Variants in OPRM1 observed in about 807,000 individuals in gnomAD.
The protein encoded by OPRM1 is mu-type opioid receptor.
In OPRM1, 27 loss-of-function variants were observed where a neutral mutation model predicts 31.8. The ratio of observed to expected loss-of-function variants is 0.85; its 90% CI spans 0.63 to 1.17. OPRM1 has a LOEUF of 1.17. OPRM1 is among the 50% of genes most tolerant of loss of function. OPRM1 has a pLI of 0.00. For synonymous variants in OPRM1, 196 were observed against 189.9 expected (o/e 1.03, Z -0.26); for missense variants, 536 against 511.1 (o/e 1.05, Z -0.47).
chr6:154,038,115 G>A (rs1779426790), upstream of OPRM1, among the ~76,000 whole-genome samples: 2 of 152,116 alleles, frequency 1.3e-5, no homozygotes, highest in Admixed American at 1.3e-4. Context: ...TTACCTATGA[G>A]TTATCTGTTT....
At chr6:154,104,759 C>A (rs1795344207) in intron 3 of OPRM1, among the ~76,000 whole-genome samples, 1 of 152,214 alleles carries the variant, frequency 6.6e-6, no homozygotes. Flanking sequence ...TTATTTTTCA[C>A]ATAAGCTCTT....
At chr6:154,027,284 C>CTTGTTTGTTTGTTTGTTTGTTTGTTTGT (rs111711727) in intron 1 of OPRM1, among the ~76,000 whole-genome samples, 2 of 151,702 alleles carry the variant, frequency 1.3e-5, no homozygotes, top group Admixed American at 6.6e-5. Flanking sequence ...TCTTGTGTTT[C>CTTGTTTGTTTGTTTGTTTGTTTGTTTGT]TTGTTTGTTT....
At chr6:154,028,615 G>A (rs930182233) in intron 1 of OPRM1, among the ~76,000 whole-genome samples, 2 of 152,178 alleles carry the variant, frequency 1.3e-5, no homozygotes, top group Non-Finnish European at 2.9e-5. Flanking sequence ...GGTGAGGCTT[G>A]CAGGAACTCA....
chr6:154,212,727 A>G, intron 3 of OPRM1: 2 of 1,289,134 alleles, frequency 1.6e-6, no homozygotes, highest in South Asian at 1.2e-5. Flanking sequence ...TGACATCCAC[A>G]TGTCTGATCG....
intron 3 of OPRM1, among the ~76,000 whole-genome samples, chr6:154,185,854 C>A (rs1458620134): frequency 1.3e-5 from 2 of 152,228 alleles, no homozygotes; most frequent in Admixed American, 1.3e-4. Flanking sequence ...TCAAAGCTGT[C>A]CTGAGCCACA....
At chr6:154,051,852 A>C (rs2128417018) in intron 1 of OPRM1, among the ~76,000 whole-genome samples, 1 of 152,334 alleles carries the variant, frequency 6.6e-6, no homozygotes, top group South Asian at 2.1e-4. Context: ...AATATAAATC[A>C]TTCTACTATA....
rs17181003 is a variant in OPRM1, at chr6:154,039,309, A to G, written c.-236A>G. ...CTCCTGCAGCGGTGCGGGGCAGGTG[A>G]TGAGCCTCTGTGAACTACTAAGGTG... On this transcript the variant is annotated 5_prime_UTR_variant, in exon 1 of 4. The change abolishes an upstream ATG in the 5' untranslated region. Transcript: ENST00000330432. The G allele has an allele frequency of 1.5e-3, 2,346 of 1,550,974 alleles. 27 individuals are homozygous for G. In the African/African-American group the frequency reaches 0.028, roughly 19 times the overall value.
intron 3 of OPRM1, among the ~76,000 whole-genome samples, chr6:154,197,548 T>C (rs1776712479): frequency 6.6e-6 from 1 of 152,358 alleles, no homozygotes; most frequent in East Asian, 1.9e-4. Flanking sequence ...TTTGAAGAAG[T>C]ATACAGATTT....
At chr6:154,032,221 T>C (rs1260492678) in intron 1 of OPRM1, among the ~76,000 whole-genome samples, 2 of 152,226 alleles carry the variant, frequency 1.3e-5, no homozygotes, top group Non-Finnish European at 2.9e-5. Flanking sequence ...AAAATTTATA[T>C]GATGCATACT....
chr6:154,054,889 C>T (rs1325988875), intron 1 of OPRM1, among the ~76,000 whole-genome samples: 1 of 152,136 alleles, frequency 6.6e-6, no homozygotes, highest in Middle Eastern at 3.2e-3. Context: ...AGGTCGCCCA[C>T]AAAAATTTAA....
At chr6:154,201,251 T>C (rs1457577738) in intron 3 of OPRM1, among the ~76,000 whole-genome samples, 1 of 152,214 alleles carries the variant, frequency 6.6e-6, no homozygotes, top group Non-Finnish European at 1.5e-5. Flanking sequence ...TAACCAACAA[T>C]TCTTGGAAAG....
At chr6:154,030,590 G>A (rs776998405) in intron 1 of OPRM1, among the ~76,000 whole-genome samples, 26 of 152,016 alleles carry the variant, frequency 1.7e-4, no homozygotes, top group Non-Finnish European at 3.4e-4. Flanking sequence ...GACTTTCCCA[G>A]TAGCAAATTA....
intron 3 of OPRM1, among the ~76,000 whole-genome samples, chr6:154,204,517 A>T (rs531485518): frequency 3.3e-5 from 5 of 152,330 alleles, no homozygotes; most frequent in Non-Finnish European, 4.4e-5. Flanking sequence ...TATTTCTCCT[A>T]TATGCCAGGA....
intron 3 of OPRM1, among the ~76,000 whole-genome samples, chr6:154,110,747 C>T (rs913013448): frequency 3.3e-5 from 5 of 151,952 alleles, no homozygotes; most frequent in Non-Finnish European, 7.4e-5. Context: ...ACTTAGCAGG[C>T]GTGGTGGCGG....
At chr6:154,099,803 G>A (rs1285276256) in intron 3 of OPRM1, among the ~76,000 whole-genome samples, 1 of 146,462 alleles carries the variant, frequency 6.8e-6, no homozygotes, top group East Asian at 2.0e-4. Context: ...AAAAACATGA[G>A]TTTTCATAAT....
intron 3 of OPRM1, among the ~76,000 whole-genome samples, chr6:154,236,413 T>C (rs1056687385): frequency 6.6e-6 from 1 of 152,164 alleles, no homozygotes; most frequent in African/African-American, 2.4e-5. Context: ...GGAGACTTAT[T>C]ATTTAATAGG....
At chr6:154,213,232 G>C (rs2128606716) in intron 3 of OPRM1, 1 of 213,758 alleles carries the variant, frequency 4.7e-6, no homozygotes, top group South Asian at 8.2e-5. Flanking sequence ...AACTATCAGT[G>C]GTGCACAACT....
chr6:154,220,329 T>C (rs1300266915), intron 3 of OPRM1, among the ~76,000 whole-genome samples: 2 of 152,124 alleles, frequency 1.3e-5, no homozygotes, highest in African/African-American at 4.8e-5. Context: ...CCCTCTGATA[T>C]CTCCAATCAG....
intron 1 of OPRM1, among the ~76,000 whole-genome samples, chr6:154,063,470 C>A (rs1223826239): frequency 6.6e-6 from 1 of 151,630 alleles, no homozygotes; most frequent in Non-Finnish European, 1.5e-5. Flanking sequence ...TCTTTTTTAA[C>A]CCTAATTCAT....
Sources: allele counts gnomAD v4.1 joint callset (sites outside exome capture counted in the v4.1 genomes callset), GRCh38; gene constraint gnomAD v4.1.1; transcripts MANE v1.5; gene names NCBI Gene and HGNC (gene_info 2026-07-23, HGNC 2026-07-21).